Variants in IRAK3 observed in about 807,000 individuals in gnomAD.
IRAK3 encodes interleukin-1 receptor-associated kinase 3.
A neutral mutation model predicts 56.6 loss-of-function variants in IRAK3; 57 were observed. The ratio of observed to expected loss-of-function variants is 1.01; its 90% CI spans 0.81 to 1.26. The LOEUF (loss-of-function observed/expected upper bound fraction) is 1.26, where lower values mean the gene tolerates loss of function less well. IRAK3 is among the 50% of genes most tolerant of loss of function. IRAK3 has a pLI of 0.00. For missense variants in IRAK3, 703 were observed against 719.0 expected (o/e 0.98, Z 0.25); for synonymous variants, 258 against 255.7 (o/e 1.01, Z -0.09).
At chr12:66,226,095 T>A (rs974633328) in intron 6 of IRAK3, among the ~76,000 whole-genome samples, 9 of 152,242 alleles carry the variant, frequency 5.9e-5, no homozygotes, top group Non-Finnish European at 1.2e-4. Context: ...TATTGAATAG[T>A]GTTGTCTATC....
intron 5 of IRAK3, among the ~76,000 whole-genome samples, chr12:66,215,022 C>G (rs2052654732): frequency 6.6e-6 from 1 of 152,182 alleles, no homozygotes; most frequent in Admixed American, 6.5e-5. Flanking sequence ...TTCTCCATTT[C>G]TCCAAATTGC....
rs1407573539 is a variant in IRAK3 at position 66,252,249 on chromosome 12, G to A, written c.*4078G>A. ...CAGGAAACTAACTTGCTAAAATCAA[G>A]TCCTCCCAGTCCTCCCATCAGGTCC... is the stretch of plus-strand genomic sequence containing the variant. On this transcript the variant is annotated 3_prime_UTR_variant, in exon 12 of 12. Coordinates refer to ENST00000261233, the MANE Select transcript of IRAK3 (RefSeq NM_007199.3). The A allele has an allele frequency of 6.6e-6, 1 of 152,150 alleles. No individual in the cohort carries two copies. The highest frequency in any genetic ancestry group is 1.9e-4 in the East Asian group (1 of 5,184). The allele number at this position is 152,150 out of a possible 1,614,324, so 9.4% of individuals were successfully genotyped here.
intron 1 of IRAK3, among the ~76,000 whole-genome samples, chr12:66,191,010 C>T (rs1048530058): frequency 1.3e-5 from 2 of 152,198 alleles, no homozygotes; most frequent in Non-Finnish European, 1.5e-5. Flanking sequence ...GAATGAGGAC[C>T]ACCCAAATGA....
chr12:66,234,967 G>C (rs1424666222), intron 8 of IRAK3: 1 of 1,614,002 alleles, frequency 6.2e-7, no homozygotes, highest in African/African-American at 1.3e-5. Flanking sequence ...GGCTGTCAAA[G>C]TCGACAAAAC....
intron 1 of IRAK3, among the ~76,000 whole-genome samples, chr12:66,192,140 C>T (rs762763365): frequency 6.6e-6 from 1 of 152,196 alleles, no homozygotes; most frequent in Non-Finnish European, 1.5e-5. Context: ...TGAGGCACAA[C>T]CTGATTGGTA....
intron 5 of IRAK3, among the ~76,000 whole-genome samples, chr12:66,216,247 G>A (rs2052675824): frequency 6.6e-6 from 1 of 152,200 alleles, no homozygotes; most frequent in Non-Finnish European, 1.5e-5. Flanking sequence ...TTAGAGATGG[G>A]CGGAAAATCC....
At chr12:66,217,126 A>G (rs766697774) in intron 5 of IRAK3, 45 bp from the exon 6 acceptor site, 19 of 1,394,660 alleles carry the variant, frequency 1.4e-5, no homozygotes, top group Non-Finnish European at 5.1e-6. Context: ...AATCCCAGAA[A>G]CAGATCCTTT....
intron 1 of IRAK3, chr12:66,198,240 T>A: frequency 3.4e-6 from 1 of 293,944 alleles, no homozygotes; most frequent in Non-Finnish European, 5.1e-6. Flanking sequence ...CCTCTGTCTG[T>A]CAATCAGCAA....
At chr12:66,222,143 T>C (rs1465397797) in intron 6 of IRAK3, among the ~76,000 whole-genome samples, 3 of 152,230 alleles carry the variant, frequency 2.0e-5, no homozygotes, top group African/African-American at 7.2e-5. Flanking sequence ...CGTTTTCTCA[T>C]TGTGTTCTTA....
intron 2 of IRAK3, among the ~76,000 whole-genome samples, chr12:66,209,202 A>G (rs1449269443): frequency 6.6e-6 from 1 of 152,088 alleles, no homozygotes; most frequent in East Asian, 1.9e-4. Context: ...TAAAGTTAAT[A>G]ATAGATTAAG....
chr12:66,218,152 G>A (rs1160356034), intron 6 of IRAK3, among the ~76,000 whole-genome samples: 3 of 152,088 alleles, frequency 2.0e-5, no homozygotes, highest in African/African-American at 7.2e-5. Flanking sequence ...AGTATTACCA[G>A]TTCCTTGTAT....
Position 66,226,692 on chromosome 12 carries a change from T to C in IRAK3, c.654-31T>C, listed in dbSNP as rs528351095. 13 of 1,310,380 alleles carry C rather than the reference T, an allele frequency of 9.9e-6. No individual in the cohort carries two copies. The Admixed American group carries it at 2.0e-4, about 20-fold the overall frequency. 81.2% of individuals were successfully genotyped at this position (1,310,380 alleles called of 1,614,324 possible). A position where few individuals can be genotyped will look rare whatever the true frequency, so the allele number is the denominator to read the frequency against. ...TTCATTTCCTGTCTGAATAAGCAATTTGATGGCTTTAAAACATCTTTTGTT... is the reference window on the plus strand; with the variant it reads ...TTCATTTCCTGTCTGAATAAGCAATCTGATGGCTTTAAAACATCTTTTGTT... On this transcript the variant is annotated intron_variant, in intron 6 of 11. Transcript: ENST00000261233.
In IRAK3 at chr12:66,251,182, T is replaced by C. The variant is rs2053095933; in HGVS notation, c.*3011T>C. 6.6e-6 allele frequency: 1 copy of C among 152,226 alleles called. No homozygotes were observed. The highest frequency in any genetic ancestry group is 6.5e-5 in the Admixed American group (1 of 15,284). 9.4% of individuals were successfully genotyped at this position (152,226 alleles called of 1,614,324 possible). A position where few individuals can be genotyped will look rare whatever the true frequency, so the allele number is the denominator to read the frequency against. On this transcript the variant is annotated 3_prime_UTR_variant, in exon 12 of 12. Transcript: ENST00000261233. ...TGGACACCTCAAAGATGAAGTCAGA[T>C]AAGCTGGCAGTGACCTGATTAACGT...
intron 1 of IRAK3, 38 bp downstream of exon 1, chr12:66,189,470 C>G (rs1268742183): frequency 8.7e-6 from 10 of 1,149,324 alleles, no homozygotes; most frequent in Non-Finnish European, 1.1e-5. Context: ...GGCGGGGGAG[C>G]CCAGCGCGCC....
At chr12:66,246,522 G>T (rs557673947) in intron 11 of IRAK3, among the ~76,000 whole-genome samples, 3 of 152,178 alleles carry the variant, frequency 2.0e-5, no homozygotes, top group African/African-American at 7.2e-5. Flanking sequence ...GACACCACCC[G>T]TGAGAGTTGT....
intron 8 of IRAK3, chr12:66,234,017 T>C: frequency 6.4e-7 from 1 of 1,573,520 alleles, no homozygotes; most frequent in Non-Finnish European, 8.7e-7. Flanking sequence ...AAATCCATGA[T>C]TGTTCAGCCT....
chr12:66,234,905 G>A, intron 8 of IRAK3: 1 of 1,614,162 alleles, frequency 6.2e-7, no homozygotes, highest in Non-Finnish European at 8.5e-7. Flanking sequence ...TGCCATTTGA[G>A]CTTGAACCCC....
intron 5 of IRAK3, among the ~76,000 whole-genome samples, chr12:66,215,568 C>G (rs1317661196): frequency 6.6e-6 from 1 of 152,130 alleles, no homozygotes; most frequent in Non-Finnish European, 1.5e-5. Context: ...CATAGTAGCT[C>G]AGTAAATGTT....
intron 1 of IRAK3, among the ~76,000 whole-genome samples, chr12:66,198,895 T>C (rs2052481372): frequency 6.6e-6 from 1 of 151,838 alleles, no homozygotes; most frequent in Non-Finnish European, 1.5e-5. Context: ...GTTAGGACTA[T>C]AGGTGCATGC....
Sources: allele counts gnomAD v4.1 joint callset (sites outside exome capture counted in the v4.1 genomes callset), GRCh38; gene constraint gnomAD v4.1.1; transcripts MANE v1.5; gene names NCBI Gene and HGNC (gene_info 2026-07-23, HGNC 2026-07-21).